EFNB2: variants seen among roughly 807,000 people sequenced by gnomAD.
EFNB2 encodes ephrin B2.
In EFNB2, 5 loss-of-function variants were observed where a neutral mutation model predicts 32.1. The observed-to-expected ratio is 0.16, with a 90% CI of 0.08 to 0.33. The LOEUF is 0.33. EFNB2 is among the 10% of genes least tolerant of loss of function. The pLI is 1.00. For synonymous variants in EFNB2, 168 were observed against 166.5 expected (o/e 1.01, Z -0.07); for missense variants, 263 against 422.6 (o/e 0.62, Z 3.31).
chr13:106,513,698 G>C (rs1879221261), intron 1 of EFNB2, among the ~76,000 whole-genome samples: 1 of 152,030 alleles, frequency 6.6e-6, no homozygotes, highest in African/African-American at 2.4e-5. Flanking sequence ...ACTGAAACAA[G>C]AACTTCCTAA....
Position 106,493,384 on chromosome 13 carries a change from T to C in EFNB2, c.658A>G (p.Ile220Val), listed in dbSNP as rs142444756. 32 of 1,614,030 alleles carry C rather than the reference T, an allele frequency of 2.0e-5. 1 individual carries two copies. In the African/African-American group the frequency reaches 3.3e-4, roughly 17 times the overall value. The change falls in exon 5 of 5, where the codon ATC becomes GTC. Residue 220 changes from isoleucine (I) to valine (V), a missense_variant. Transcript: ENST00000646441. This position sits in a 1 kb window ranked among gnomAD's most constrained non-coding sequence, Gnocchi z 6.1. ...AATAAGGCCACTTCGGAACCGAGGATGTTGTTCCCCGAATGTCCGGCGCTG... is the reference window on the plus strand; with the variant it reads ...AATAAGGCCACTTCGGAACCGAGGACGTTGTTCCCCGAATGTCCGGCGCTG... ...GNSAGHSGNN[I>V]LGSEVALFAG...
chr13:106,529,141 T>C (rs1287672057), intron 1 of EFNB2, among the ~76,000 whole-genome samples: 1 of 152,152 alleles, frequency 6.6e-6, no homozygotes, highest in Non-Finnish European at 1.5e-5. Context: ...CTGTTTACCT[T>C]TGCTTCTCCC....
Position 106,493,231 on chromosome 13 carries a change from T to G in EFNB2, c.811A>C (p.Thr271Pro), listed in dbSNP as rs1387180956. The G allele has an allele frequency of 6.2e-7, 1 of 1,614,090 alleles. No homozygotes were observed. The highest frequency in any genetic ancestry group is 2.2e-5 in the East Asian group (1 of 44,888). Residue 271 changes from threonine to proline, a missense_variant, in exon 5 of 5, where the codon ACA becomes CCA. By Grantham distance (38) the Thr-to-Pro change is conservative (BLOSUM62 -1). Coordinates refer to ENST00000646441, the MANE Select transcript of EFNB2 (RefSeq NM_004093.4). The surrounding 1 kb of genome is among the most constrained non-coding windows in gnomAD (Gnocchi z 6.1). ...PQHTTTLSLSTLATPKRSGNN... is the reference protein window; with the variant it reads ...PQHTTTLSLSPLATPKRSGNN... The stretch of plus-strand genomic sequence containing the variant: ...CCGCTGCGCTTGGGTGTGGCCAGTG[T>G]GCTGAGCGACAGCGTGGTCGTGTGC...
intron 1 of EFNB2, chr13:106,517,995 A>G (rs1879366713): frequency 2.0e-5 from 3 of 152,334 alleles, no homozygotes; most frequent in Admixed American, 1.3e-4. Context: ...TGGATCTCTA[A>G]TAATTTAGAC....
chr13:106,529,521 C>T (rs575366208), intron 1 of EFNB2, among the ~76,000 whole-genome samples: 28 of 152,316 alleles, frequency 1.8e-4, no homozygotes, highest in Non-Finnish European at 3.2e-4. Context: ...CTCAGCCATC[C>T]CAGACCACAA....
chr13:106,504,817 T>G (rs991517636), intron 2 of EFNB2, among the ~76,000 whole-genome samples: 20 of 152,186 alleles, frequency 1.3e-4, no homozygotes, highest in Admixed American at 3.3e-4. Flanking sequence ...GAATTTGAAG[T>G]CTCATACCAC....
chr13:106,530,128 T>C (rs1440460489), intron 1 of EFNB2, among the ~76,000 whole-genome samples: 2 of 152,190 alleles, frequency 1.3e-5, no homozygotes, highest in African/African-American at 2.4e-5. Context: ...CTGAATTGCT[T>C]ATGTCTTTGT....
rs570248255 is a variant in EFNB2, at chr13:106,522,514, G to A, written c.123-9702C>T. Reference sequence around the variant, plus strand: ...CTCATTTACCTGAATGGGAAAAATCGCGGAGATGAAAGGCTCACGTAAGTC... The same window carrying A: ...CTCATTTACCTGAATGGGAAAAATCACGGAGATGAAAGGCTCACGTAAGTC... On this transcript the variant is annotated intron_variant, in intron 1 of 4. Transcript: ENST00000646441. 6.6e-5 allele frequency among the ~76,000 whole-genome samples: 10 copies of A among 152,292 alleles called. No individual in the cohort carries two copies. In the South Asian group the frequency reaches 1.0e-3, roughly 16 times the overall value.
chr13:106,493,224 G>T lies in EFNB2; in HGVS notation c.818C>A (p.Ala273Asp), dbSNP rs1594158943. The change falls in exon 5 of 5, where the codon GCC becomes GAC. Residue 273 changes from alanine to aspartate, a missense_variant. This residue lies in a region of EFNB2 where 172 missense variants were observed against 237.1 expected (regional missense o/e 0.73). Coordinates refer to ENST00000646441, the MANE Select transcript of EFNB2 (RefSeq NM_004093.4). This position sits in a 1 kb window ranked among gnomAD's most constrained non-coding sequence, Gnocchi z 6.1. The part of the protein sequence containing the change: ...HTTTLSLSTL[A>D]TPKRSGNNNG... ...GTTGTTGCCGCTGCGCTTGGGTGTG[G>T]CCAGTGTGCTGAGCGACAGCGTGGT... The T allele has an allele frequency of 6.2e-7, 1 of 1,614,184 alleles. No homozygotes were observed. The highest frequency in any genetic ancestry group is 1.6e-4 in the Middle Eastern group (1 of 6,062).
chr13:106,533,960 C>T (rs1452428503), intron 1 of EFNB2, among the ~76,000 whole-genome samples: 3 of 152,212 alleles, frequency 2.0e-5, no homozygotes, highest in Non-Finnish European at 4.4e-5. Context: ...CTGAAAGTTA[C>T]TCTCCACAAG....
intron 1 of EFNB2, among the ~76,000 whole-genome samples, chr13:106,533,350 C>A (rs1879947811): frequency 6.6e-6 from 1 of 152,256 alleles, no homozygotes; most frequent in Non-Finnish European, 1.5e-5. Flanking sequence ...CACCACCTGG[C>A]GCCTCCCGAG....
chr13:106,527,796 C>T (rs548666064), intron 1 of EFNB2, among the ~76,000 whole-genome samples: 3 of 152,340 alleles, frequency 2.0e-5, no homozygotes, highest in Admixed American at 2.0e-4. Flanking sequence ...CACAGGTAGA[C>T]TACAAAGCTA....
chr13:106,500,625 C>G (rs1218938966), intron 2 of EFNB2, among the ~76,000 whole-genome samples: 1 of 152,144 alleles, frequency 6.6e-6, no homozygotes, highest in Non-Finnish European at 1.5e-5. Flanking sequence ...CCCTTACATA[C>G]AGCTGCACTG....
intron 2 of EFNB2, among the ~76,000 whole-genome samples, chr13:106,501,836 C>T (rs2138907884): frequency 6.6e-6 from 1 of 152,288 alleles, no homozygotes; most frequent in South Asian, 2.1e-4. Context: ...TCGTGATCCG[C>T]CCGCCTCGGC....
intron 1 of EFNB2, among the ~76,000 whole-genome samples, chr13:106,522,859 G>A (rs1228313650): frequency 2.6e-5 from 4 of 152,098 alleles, no homozygotes; most frequent in Non-Finnish European, 5.9e-5. Context: ...TCTGACCCCC[G>A]ACCAGGTACC....
rs1262771989 is a variant in EFNB2 at position 106,518,003 on chromosome 13, G to C, written c.123-5191C>G. 1 of 152,116 alleles carries C rather than the reference G, an allele frequency of 6.6e-6. No homozygotes were observed. Among genetic ancestry groups the C allele is most frequent in the Non-Finnish European group, 1.5e-5 (1 of 68,022 alleles). The allele number at this position is 152,116 out of a possible 1,614,324, so 9.4% of individuals were successfully genotyped here. A position where few individuals can be genotyped will look rare whatever the true frequency, so the allele number is the denominator to read the frequency against. On this transcript the variant is annotated intron_variant, in intron 1 of 4. Transcript: ENST00000646441. The surrounding 1 kb of genome is among the most constrained non-coding windows in gnomAD (Gnocchi z 4.1). ...TCTAAACTGGATCTCTAATAATTTA[G>C]ACATTTCAACTTCACAGTCATAATT... is the stretch of plus-strand genomic sequence containing the variant.
rs1878432596 is a variant in EFNB2 at position 106,492,243 on chromosome 13, T to C, written c.*797A>G. 1 of 152,880 alleles carries C rather than the reference T, an allele frequency of 6.5e-6. No individual in the cohort carries two copies. The highest frequency in any genetic ancestry group is 1.5e-5 in the Non-Finnish European group (1 of 68,250). The allele number at this position is 152,880 out of a possible 1,614,324, so 9.5% of individuals were successfully genotyped here. ...TGCTACCTAATTGCTTTTTTCTTTT[T>C]TCCTTTCCAACTTTCTGTTTCAGAG... On this transcript the variant is annotated 3_prime_UTR_variant, in exon 5 of 5. Coordinates refer to ENST00000646441, the MANE Select transcript of EFNB2 (RefSeq NM_004093.4). This position sits in a 1 kb window ranked among gnomAD's most constrained non-coding sequence, Gnocchi z 5.1.
At chr13:106,530,035 C>T (rs1041997877) in intron 1 of EFNB2, among the ~76,000 whole-genome samples, 1 of 152,178 alleles carries the variant, frequency 6.6e-6, no homozygotes, top group Non-Finnish European at 1.5e-5. Context: ...CGGCTAGTAT[C>T]GTGCTGAATT....
intron 2 of EFNB2, 57 bp downstream of exon 2, chr13:106,512,472 C>A: frequency 1.7e-5 from 18 of 1,069,286 alleles, no homozygotes; most frequent in South Asian, 1.4e-4. Flanking sequence ...AAAATTGATA[C>A]AAACCTATAT....
Sources: gnomAD v4.1 joint callset for allele counts (sites outside exome capture counted in the v4.1 genomes callset) on GRCh38, gnomAD v4.1.1 for gene constraint, gnomAD v4.1.1 regional missense constraint, Gnocchi (gnomAD v3.1) non-coding constraint, MANE v1.5 for transcripts, NCBI Gene and HGNC (gene_info 2026-07-23, HGNC 2026-07-21) for gene names.